The following LDHA variants were observed in gnomAD, a reference collection of about 807,000 sequenced individuals.
LDHA encodes the protein lactate dehydrogenase A, also known as L-lactate dehydrogenase A chain.
A neutral mutation model predicts 36.3 loss-of-function variants in LDHA; 10 were observed. The observed-to-expected ratio is 0.28, with a 90% CI of 0.17 to 0.47. The LOEUF (loss-of-function observed/expected upper bound fraction) is 0.47, where lower values mean the gene tolerates loss of function less well. Ranked by LOEUF, LDHA falls within the 20% of genes least tolerant of loss-of-function variation. LDHA has a pLI of 0.99. For synonymous variants in LDHA, 110 were observed against 136.7 expected, an observed-to-expected ratio of 0.80 and a Z score of 1.36; for missense variants, 267 against 405.8, an observed-to-expected ratio of 0.66 and a Z score of 2.94.
chr11:18,404,144 A>AG (rs1866593743), intron 6 of LDHA, among the ~76,000 whole-genome samples: 1 of 151,714 alleles, frequency 6.6e-6, no homozygotes, highest in Admixed American at 6.6e-5. Context: ...GTTAGCCAAA[A>AG]AAAAAAGAAT....
chr11:18,407,243 G>A lies in LDHA; in HGVS notation c.961G>A (p.Asp321Asn), dbSNP rs200019907. 5.1e-5 allele frequency: 82 copies of A among 1,613,832 alleles called. No homozygotes were observed. Among genetic ancestry groups the A allele is most frequent in the Non-Finnish European group, 1.7e-6 (2 of 1,179,896 alleles). ...AGAGGCCCGTTTGAAGAAGAGTGCA[G>A]ATACACTTTGGGGGATCCAAAAGGA... ...EEEARLKKSA[D>N]TLWGIQKELQ... The change falls in exon 8 of 8, where the codon GAT (aspartate) becomes AAT (asparagine). Residue 321 changes from aspartate to asparagine, a missense_variant. Asp to Asn is a conservative substitution (Grantham distance 23). Coordinates refer to ENST00000422447, the MANE Select transcript of LDHA (RefSeq NM_005566.4).
Position 18,407,987 on chromosome 11 carries a change from G to A in LDHA, c.*706G>A, listed in dbSNP as rs757942016. ...GGGATATTATTGACTAATAGCAGAG[G>A]ATGTAATAGTCAACTGAGTTGTATT... On this transcript the variant is annotated 3_prime_UTR_variant, in exon 8 of 8. Transcript: ENST00000422447. The A allele has an allele frequency of 2.0e-5, 9 of 453,998 alleles. No homozygotes were observed. Among genetic ancestry groups the A allele is most frequent in the South Asian group, 3.1e-5 (2 of 64,476 alleles). The allele number at this position is 453,998 out of a possible 1,614,324, so 28.1% of individuals were successfully genotyped here. A position where few individuals can be genotyped will look rare whatever the true frequency, so the allele number is the denominator to read the frequency against.
chr11:18,395,835 C>T (rs1402313020), intron 1 of LDHA, among the ~76,000 whole-genome samples: 1 of 152,252 alleles, frequency 6.6e-6, no homozygotes, highest in African/African-American at 2.4e-5. Context: ...TATTTCTACA[C>T]TCCCTGTACT....
At chr11:18,396,051 T>C (rs1359026667) in intron 1 of LDHA, among the ~76,000 whole-genome samples, 7 of 152,258 alleles carry the variant, frequency 4.6e-5, no homozygotes, top group Admixed American at 1.3e-4. Context: ...ATTCATTAGG[T>C]CTGAAGTCTG....
At chr11:18,394,806 G>A in intron 1 of LDHA, 170 bp downstream of exon 1, 4 of 372,822 alleles carry the variant, frequency 1.1e-5, no homozygotes, top group South Asian at 1.9e-5. Context: ...CCCACACAAC[G>A]CATGTGTTCG....
At chr11:18,399,859 T>C (rs1866420136) in intron 3 of LDHA, 1 of 336,924 alleles carries the variant, frequency 3.0e-6, no homozygotes, top group African/African-American at 2.1e-5. Flanking sequence ...CCTTCCGAAG[T>C]ACTGGGATTG....
chr11:18,407,580 G>A lies in LDHA; in HGVS notation c.*299G>A, dbSNP rs1455797029. 4 of 687,928 alleles carry A rather than the reference G, an allele frequency of 5.8e-6. No individual in the cohort carries two copies. In the Admixed American group the frequency reaches 6.1e-5, roughly 10 times the overall value. The allele number at this position is 687,928 out of a possible 1,614,324, so 42.6% of individuals were successfully genotyped here. ...GTACTGCATTTGCCCCTTGAGCCAG[G>A]TGGATGTTTACCGTGTGTTATATAA... On this transcript the variant is annotated 3_prime_UTR_variant, in exon 8 of 8. Coordinates refer to ENST00000422447, the MANE Select transcript of LDHA (RefSeq NM_005566.4).
intron 7 of LDHA, 102 bp from the exon 8 acceptor site, chr11:18,407,014 AT>A: frequency 1.0e-6 from 1 of 988,730 alleles, no homozygotes. Flanking sequence ...TCAAAAAAAA[AT>A]TAAAAAAAAA....
At chr11:18,404,252 T>TA (rs1866596383) in intron 6 of LDHA, among the ~76,000 whole-genome samples, 1 of 151,986 alleles carries the variant, frequency 6.6e-6, no homozygotes, top group African/African-American at 2.4e-5. Context: ...CTACAATAAA[T>TA]ACACAAATTA....
intron 6 of LDHA, among the ~76,000 whole-genome samples, 193 bp downstream of exon 6, chr11:18,404,004 C>G (rs1163345947): frequency 6.6e-6 from 1 of 152,190 alleles, no homozygotes; most frequent in East Asian, 1.9e-4. Context: ...AATCTTGGCT[C>G]ACTGCAACCT....
At chr11:18,401,149 A>AATAT in intron 4 of LDHA, 139 bp downstream of exon 4, 1 of 337,574 alleles carries the variant, frequency 3.0e-6, no homozygotes, top group Non-Finnish European at 4.5e-6. Context: ...ATTATTTTAA[A>AATAT]ATATATATAT....
At chr11:18,398,302 A>C (rs1486958612) in intron 2 of LDHA, among the ~76,000 whole-genome samples, 2 of 152,228 alleles carry the variant, frequency 1.3e-5, no homozygotes, top group Non-Finnish European at 2.9e-5. Context: ...ATTTATCCAT[A>C]ACTGTTAGTA....
chr11:18,396,377 C>T (rs968523903), intron 1 of LDHA: 10 of 400,440 alleles, frequency 2.5e-5, no homozygotes, highest in South Asian at 1.4e-4. Context: ...CGCGGATCAC[C>T]GCAGGCTCCT....
In LDHA at chr11:18,407,529, C is replaced by CT; in HGVS notation, c.*249dup. On this transcript the variant is annotated 3_prime_UTR_variant, in exon 8 of 8. Coordinates refer to ENST00000422447, the MANE Select transcript of LDHA (RefSeq NM_005566.4). ...TTAGTGTGAAATAGTTCTGCCACCTCTGACGCACCACTGCCAATGCTGTAC... is the reference window on the plus strand; with the variant it reads ...TTAGTGTGAAATAGTTCTGCCACCTCTTGACGCACCACTGCCAATGCTGTAC... 1 of 770,812 alleles carries CT rather than the reference C, an allele frequency of 1.3e-6. No homozygotes were observed. The highest frequency in any genetic ancestry group is 2.2e-6 in the Non-Finnish European group (1 of 448,148). The allele number at this position is 770,812 out of a possible 1,614,324, so 47.7% of individuals were successfully genotyped here.
chr11:18,403,602 T>C, intron 5 of LDHA, 92 bp from the exon 6 acceptor site: 2 of 878,560 alleles, frequency 2.3e-6, no homozygotes, highest in South Asian at 2.6e-5. Context: ...TTGAGTATTC[T>C]TCCTCCGAAG....
intron 4 of LDHA, among the ~76,000 whole-genome samples, chr11:18,401,955 C>CTCTTTTTTTTT (rs59534512): frequency 1.9e-5 from 1 of 52,258 alleles, no homozygotes; most frequent in Non-Finnish European, 3.8e-5. Context: ...TTGTTATTCT[C>CTCTTTTTTTTT]TTTTTTTTTT....
chr11:18,396,570 A>AT, intron 1 of LDHA: 1 of 1,383,088 alleles, frequency 7.2e-7, no homozygotes, highest in Non-Finnish European at 9.3e-7. Context: ...TCAGGAGGCT[A>AT]TACTTACACC....
chr11:18,397,391 T>G (rs1410149907), intron 2 of LDHA: 1 of 156,008 alleles, frequency 6.4e-6, no homozygotes, highest in Non-Finnish European at 1.4e-5. Context: ...GTGCCTTGGA[T>G]AGCAATTTTG....
intron 3 of LDHA, chr11:18,400,299 C>T (rs1866434662): frequency 9.6e-6 from 2 of 207,906 alleles, no homozygotes; most frequent in South Asian, 1.5e-4. Flanking sequence ...AATCACTGGC[C>T]ACCTTGCTGA....
Sources: gnomAD v4.1 joint callset for allele counts (sites outside exome capture counted in the v4.1 genomes callset) on GRCh38, gnomAD v4.1.1 for gene constraint, MANE v1.5 for transcripts, NCBI Gene and HGNC (gene_info 2026-07-23, HGNC 2026-07-21) for gene names.